MYH14: variants seen among roughly 807,000 people sequenced by gnomAD.
MYH14 encodes myosin heavy chain 14, also known as myosin-14.
Under a neutral mutation model 255.5 loss-of-function variants are expected in MYH14, and 123 were observed. The observed-to-expected ratio is 0.48, with a 90% CI of 0.42 to 0.56. The LOEUF is 0.56. MYH14 is among the 20% of genes least tolerant of loss of function. The pLI is 0.00. For synonymous variants in MYH14, 1,095 were observed against 1,161.2 expected, an observed-to-expected ratio of 0.94 and a Z score of 1.16; for missense variants, 2,423 against 2,802.3, an observed-to-expected ratio of 0.86 and a Z score of 3.06.
In MYH14 at chr19:50,210,521, C is replaced by A; in HGVS notation, c.156C>A (p.Ala52=). 2 of 1,574,062 alleles carry A rather than the reference C, an allele frequency of 1.3e-6. No homozygotes were observed. The highest frequency in any genetic ancestry group is 1.7e-6 in the Non-Finnish European group (2 of 1,161,844). ...SGTSPQVEWT[A]RRLVWVPSEL... ...CCTCCCCGCAGGTGGAGTGGACGGC[C>A]CGGCGTCTCGTGTGGGTGCCTTCGG... The change falls in exon 2 of 43, where the codon GCC becomes GCA. Residue 52 remains alanine, a synonymous_variant. Transcript: ENST00000642316.
rs1452151052 is a variant in MYH14 at position 50,293,637 on chromosome 19, C to G, written c.5419C>G (p.Gln1807Glu). The G allele has an allele frequency of 6.2e-7, 1 of 1,609,778 alleles. No homozygotes were observed. The highest frequency in any genetic ancestry group is 1.3e-5 in the African/African-American group (1 of 74,988). ...GTTGGAGGAAGAGCTGGAGGAGGAG[C>G]AGAGCAACTCGGAGCTGCTCAATGA... ...GQLEEELEEE[Q>E]SNSELLNDRY... The change falls in exon 39 of 43, where the codon CAG becomes GAG. Residue 1807 changes from glutamine (Q) to glutamate (E), a missense_variant. By Grantham distance (29) the Gln-to-Glu change is conservative. Coordinates refer to ENST00000642316, the MANE Select transcript of MYH14 (RefSeq NM_001145809.2). The surrounding 1 kb of genome is among the most constrained non-coding windows in gnomAD (Gnocchi z 4.1).
rs879167629 is a variant in MYH14 at position 50,292,177 on chromosome 19, C to T, written c.5128-84C>T. ...CTGCTTGTTCACGGGAGCTGAGGAG[C>T]CCCGTCGGTCTGGCAAGGGGGTGGA... On this transcript the variant is annotated intron_variant, in intron 36 of 42. Coordinates refer to ENST00000642316, the MANE Select transcript of MYH14 (RefSeq NM_001145809.2). The T allele has an allele frequency of 2.2e-6, 3 of 1,374,372 alleles. No individual in the cohort carries two copies. The South Asian group carries it at 4.9e-5, about 22-fold the overall frequency. The allele number at this position is 1,374,372 out of a possible 1,614,324, so 85.1% of individuals were successfully genotyped here.
intron 40 of MYH14, among the ~76,000 whole-genome samples, chr19:50,302,267 G>C (rs1288678151): frequency 4.2e-5 from 6 of 143,924 alleles, no homozygotes; most frequent in Non-Finnish European, 7.4e-5. Context: ...CTGAGTAACA[G>C]TGGAAGACCT....
intron 39 of MYH14, among the ~76,000 whole-genome samples, chr19:50,298,943 T>G (rs942596563): frequency 6.6e-6 from 1 of 151,550 alleles, no homozygotes; most frequent in African/African-American, 2.4e-5. Context: ...ACAACAAAAC[T>G]ATCAGGGCAT....
intron 16 of MYH14, among the ~76,000 whole-genome samples, chr19:50,254,046 C>T (rs1361850429): frequency 6.6e-6 from 1 of 151,982 alleles, no homozygotes; most frequent in Admixed American, 6.6e-5. Flanking sequence ...GGAGAAACCT[C>T]ATCTCTACTA....
chr19:50,268,668 T>C (rs902961008), intron 24 of MYH14, among the ~76,000 whole-genome samples: 1 of 152,176 alleles, frequency 6.6e-6, no homozygotes, highest in Non-Finnish European at 1.5e-5. Context: ...ATCCAAGTGA[T>C]ATCCTCAGCT....
At chr19:50,223,766 G>T (rs2032959503) in intron 5 of MYH14, among the ~76,000 whole-genome samples, 1 of 152,112 alleles carries the variant, frequency 6.6e-6, no homozygotes, top group African/African-American at 2.4e-5. Context: ...AAGACGGAGA[G>T]CCCAGGCATG....
At chr19:50,307,183 C>A (rs2036682843) in intron 41 of MYH14, 26 bp downstream of exon 41, 3 of 1,411,390 alleles carry the variant, frequency 2.1e-6, no homozygotes, top group Non-Finnish European at 2.9e-6. Context: ...CATTAGGGAG[C>A]AGTGGAGAGT....
At chr19:50,206,314 T>C (rs2123136745) in intron 1 of MYH14, among the ~76,000 whole-genome samples, 1 of 151,282 alleles carries the variant, frequency 6.6e-6, no homozygotes, top group African/African-American at 2.4e-5. Context: ...CTTGGACTCT[T>C]GGCTCCAGGG....
At chr19:50,224,046 T>TCCCCCCCCCCCCTCCCCCC in intron 5 of MYH14, 108 bp from the exon 6 acceptor site, 1 of 504,358 alleles carries the variant, frequency 2.0e-6, no homozygotes, top group Non-Finnish European at 3.5e-6. Flanking sequence ...CAGTCCCCCT[T>TCCCCCCCCCCCCTCCCCCC]CCCCCACCCC....
chr19:50,278,895 GGA>G (rs1438720245), intron 30 of MYH14, among the ~76,000 whole-genome samples: 1 of 151,958 alleles, frequency 6.6e-6, no homozygotes, highest in East Asian at 1.9e-4. Context: ...GGCTGAGGCA[GGA>G]GAATCACTTG....
At position 50,207,237 on chromosome 19, in the gene MYH14, A is replaced by AAG. The variant is rs148755965; in HGVS notation, c.-3-3108_-3-3107dup. 7.7e-4 allele frequency among the ~76,000 whole-genome samples: 73 copies of AAG among 95,274 alleles called. No individual in the cohort carries two copies. In the East Asian group the frequency reaches 8.4e-3, roughly 11 times the overall value. 62.5% of individuals were successfully genotyped at this position (95,274 alleles called of 152,430 possible). A position where few individuals can be genotyped will look rare whatever the true frequency, so the allele number is the denominator to read the frequency against. ...AGAGCGAGACCTATCTCTAAGAAAA[A>AAG]AGAGAGAGAGAGAGAGAGAAAGAGA... On this transcript the variant is annotated intron_variant, in intron 1 of 42. Transcript: ENST00000642316.
chr19:50,230,692 T>A lies in MYH14; in HGVS notation c.973+69T>A. On this transcript the variant is annotated intron_variant, in intron 9 of 42. Coordinates refer to ENST00000642316, the MANE Select transcript of MYH14 (RefSeq NM_001145809.2). This position sits in a 1 kb window ranked among gnomAD's most constrained non-coding sequence, Gnocchi z 4.7. Reference sequence around the variant, plus strand: ...GGCACCATGTCTCTCGGGGGCCCCTTCTGGGGAGGAAGCAAGAGTGGGGGG... The same window carrying A: ...GGCACCATGTCTCTCGGGGGCCCCTACTGGGGAGGAAGCAAGAGTGGGGGG... 1 of 1,380,290 alleles carries A rather than the reference T, an allele frequency of 7.2e-7. No individual in the cohort carries two copies. Among genetic ancestry groups the A allele is most frequent in the Non-Finnish European group, 1.0e-6 (1 of 1,000,466 alleles). The allele number at this position is 1,380,290 out of a possible 1,614,324, so 85.5% of individuals were successfully genotyped here. A position where few individuals can be genotyped will look rare whatever the true frequency, so the allele number is the denominator to read the frequency against.
intron 2 of MYH14, among the ~76,000 whole-genome samples, chr19:50,216,561 A>G (rs2032483013): frequency 6.6e-6 from 1 of 151,262 alleles, no homozygotes; most frequent in South Asian, 2.1e-4. Context: ...CCATGATTGT[A>G]CCACTGCACT....
chr19:50,274,577 G>T (rs1460654700), intron 27 of MYH14, among the ~76,000 whole-genome samples: 1 of 152,174 alleles, frequency 6.6e-6, no homozygotes. Flanking sequence ...TTACAGGCAT[G>T]AGCCACTGTG....
At chr19:50,294,475 C>A (rs1302016648) in intron 39 of MYH14, among the ~76,000 whole-genome samples, 3 of 148,844 alleles carry the variant, frequency 2.0e-5, no homozygotes, top group Non-Finnish European at 4.4e-5. Flanking sequence ...CCCTCTGTTG[C>A]CCAAGCTGGA....
At chr19:50,217,064 T>C (rs62112641) in intron 2 of MYH14, among the ~76,000 whole-genome samples, 76,246 of 151,738 alleles carry the variant, frequency 0.5, 21,944 homozygotes, top group Non-Finnish European at 0.64. Context: ...CCGTCTCGGC[T>C]TCCCAAAGTG....
At position 50,257,459 on chromosome 19, in the gene MYH14, C is replaced by T; in HGVS notation, c.2205C>T (p.Arg735=). The T allele has an allele frequency of 6.2e-7, 1 of 1,603,566 alleles. No homozygotes were observed. Among genetic ancestry groups the T allele is most frequent in the Non-Finnish European group, 8.5e-7 (1 of 1,174,572 alleles). ...GCAACACCAACCCCAGTTTTGTCCG[C>T]TGCATTGTCCCCAACCACGAGAAGA... ...TLSNTNPSFV[R]CIVPNHEKRA... Residue 735 remains arginine (R), a synonymous_variant, in exon 18 of 43, where the codon CGC becomes CGT. Transcript: ENST00000642316.
intron 30 of MYH14, among the ~76,000 whole-genome samples, chr19:50,278,796 G>A (rs982869486): frequency 4.2e-4 from 58 of 137,448 alleles, no homozygotes; most frequent in Non-Finnish European, 7.0e-4. Context: ...CCAACATGGA[G>A]AAACCCTGTC....
Sources: gnomAD v4.1 joint callset for allele counts (sites outside exome capture counted in the v4.1 genomes callset) on GRCh38, gnomAD v4.1.1 for gene constraint, Gnocchi (gnomAD v3.1) non-coding constraint, MANE v1.5 for transcripts, NCBI Gene and HGNC (gene_info 2026-07-23, HGNC 2026-07-21) for gene names.